The following ACOXL variants were observed in gnomAD, a reference collection of about 807,000 sequenced individuals.
ACOXL encodes acyl-CoA oxidase like.
Under a neutral mutation model 71.9 loss-of-function variants are expected in ACOXL, and 70 were observed. That is an observed-to-expected ratio of 0.97 (90% CI 0.80 to 1.19). The LOEUF (loss-of-function observed/expected upper bound fraction) is 1.19, where lower values mean the gene tolerates loss of function less well. Ranked by LOEUF, ACOXL falls within the 50% of genes most tolerant of loss-of-function variation. The probability of loss-of-function intolerance (pLI) is 0.00; values close to 1 mark genes in which losing one functional copy is unlikely to be tolerated. For missense variants in ACOXL, 703 were observed against 736.3 expected, an observed-to-expected ratio of 0.95 and a Z score of 0.52; for synonymous variants, 253 against 281.6, an observed-to-expected ratio of 0.90 and a Z score of 1.02.
chr2:110,756,419 G>A (rs1467670446), intron 1 of ACOXL, among the ~76,000 whole-genome samples: 13 of 152,134 alleles, frequency 8.5e-5, no homozygotes, highest in African/African-American at 2.7e-4. Context: ...ATGAGCCACC[G>A]CACCGTGTCA....
At chr2:111,070,217 G>T (rs569261614) in intron 16 of ACOXL, among the ~76,000 whole-genome samples, 3 of 152,164 alleles carry the variant, frequency 2.0e-5, no homozygotes, top group East Asian at 3.9e-4. Context: ...TTATTGCAGC[G>T]CTATTCACAA....
At chr2:111,092,312 T>G (rs1323128607) in intron 16 of ACOXL, among the ~76,000 whole-genome samples, 1 of 152,342 alleles carries the variant, frequency 6.6e-6, no homozygotes, top group South Asian at 2.1e-4. Context: ...GAAACTCATT[T>G]ATTGTTGCTT....
intron 16 of ACOXL, among the ~76,000 whole-genome samples, chr2:111,055,989 A>G (rs1023553942): frequency 6.6e-6 from 1 of 152,184 alleles, no homozygotes; most frequent in Non-Finnish European, 1.5e-5. Flanking sequence ...TTGTTCAACA[A>G]ATGTTTACTG....
intron 10 of ACOXL, among the ~76,000 whole-genome samples, chr2:110,848,950 G>A (rs1213863310): frequency 1.3e-5 from 2 of 152,184 alleles, no homozygotes; most frequent in African/African-American, 2.4e-5. Context: ...GTCTCCTCAC[G>A]CTGAGCTTCC....
intron 10 of ACOXL, among the ~76,000 whole-genome samples, chr2:110,905,050 G>A (rs1449088058): frequency 2.0e-5 from 3 of 152,018 alleles, no homozygotes; most frequent in African/African-American, 7.2e-5. Context: ...AGATGTCCAA[G>A]CATCAGAGGC....
chr2:110,993,941 A>G (rs1202133161), intron 13 of ACOXL, among the ~76,000 whole-genome samples: 1 of 152,222 alleles, frequency 6.6e-6, no homozygotes, highest in Non-Finnish European at 1.5e-5. Flanking sequence ...ATCTTCTTGT[A>G]AAATACACAG....
chr2:110,929,789 C>T (rs1042764943), intron 11 of ACOXL, among the ~76,000 whole-genome samples: 1 of 152,182 alleles, frequency 6.6e-6, no homozygotes, highest in Non-Finnish European at 1.5e-5. Context: ...CATGGTATAG[C>T]TGGAGGCATG....
chr2:110,793,581 G>T, intron 3 of ACOXL, 69 bp from the exon 4 acceptor site: 1 of 1,430,030 alleles, frequency 7.0e-7, no homozygotes, highest in Non-Finnish European at 9.9e-7. Context: ...TTGGAGTTTG[G>T]CCGTGGATTT....
At chr2:110,963,757 G>C (rs755601605) in intron 12 of ACOXL, 129 of 1,608,004 alleles carry the variant, frequency 8.0e-5, no homozygotes, top group Admixed American at 1.5e-4. Flanking sequence ...TTATCCAGAA[G>C]TCTGAAGTGT....
intron 1 of ACOXL, among the ~76,000 whole-genome samples, chr2:110,761,220 A>G (rs1406445717): frequency 1.3e-5 from 2 of 152,140 alleles, no homozygotes; most frequent in Non-Finnish European, 2.9e-5. Context: ...ACTTTTTTAA[A>G]AACAATTTAT....
chr2:110,803,179 C>T (rs1396771469), intron 8 of ACOXL, among the ~76,000 whole-genome samples: 21 of 152,104 alleles, frequency 1.4e-4, no homozygotes, highest in Admixed American at 1.4e-3. Context: ...CTCAGGACCA[C>T]CAGCATTCAT....
intron 17 of ACOXL, among the ~76,000 whole-genome samples, chr2:111,113,490 G>A (rs143692023): frequency 6.6e-6 from 1 of 152,336 alleles, no homozygotes; most frequent in Non-Finnish European, 1.5e-5. Flanking sequence ...AGCAGACTAA[G>A]TCAAAGACAG....
intron 10 of ACOXL, among the ~76,000 whole-genome samples, chr2:110,892,296 C>A (rs370868516): frequency 6.6e-6 from 1 of 152,038 alleles, no homozygotes; most frequent in East Asian, 1.9e-4. Flanking sequence ...AAAGGAAGAA[C>A]GCCCTGAAAT....
At chr2:111,070,843 G>A (rs2149927005) in intron 16 of ACOXL, among the ~76,000 whole-genome samples, 1 of 152,166 alleles carries the variant, frequency 6.6e-6, no homozygotes, top group Non-Finnish European at 1.5e-5. Context: ...GACTGTCTGT[G>A]GCCTGTTCCT....
At chr2:110,853,248 G>T (rs1692833551) in intron 10 of ACOXL, among the ~76,000 whole-genome samples, 1 of 152,180 alleles carries the variant, frequency 6.6e-6, no homozygotes, top group Admixed American at 6.5e-5. Flanking sequence ...GGCAGCTACG[G>T]TGGAGAGGCC....
At chr2:111,068,521 G>T (rs1053612155) in intron 16 of ACOXL, among the ~76,000 whole-genome samples, 1 of 152,196 alleles carries the variant, frequency 6.6e-6, no homozygotes, top group African/African-American at 2.4e-5. Flanking sequence ...AGCCTGAAGT[G>T]GCTGGTTTTT....
At chr2:110,971,114 C>G (rs2062165427) in intron 12 of ACOXL, among the ~76,000 whole-genome samples, 1 of 152,112 alleles carries the variant, frequency 6.6e-6, no homozygotes, top group Non-Finnish European at 1.5e-5. Context: ...CCTCTCAAAA[C>G]TCAACAGTGA....
intron 1 of ACOXL, among the ~76,000 whole-genome samples, chr2:110,740,505 C>T (rs1677390653): frequency 6.6e-6 from 1 of 152,190 alleles, no homozygotes; most frequent in South Asian, 2.1e-4. Flanking sequence ...TCTCTTCTCC[C>T]CATTAACATA....
chr2:110,798,826 G>A (rs1685595556), intron 6 of ACOXL, 102 bp downstream of exon 6: 7 of 1,242,636 alleles, frequency 5.6e-6, no homozygotes, highest in African/African-American at 1.5e-5. Context: ...AAATAATTCA[G>A]TACTAACTTT....
Sources: allele counts gnomAD v4.1 joint callset (sites outside exome capture counted in the v4.1 genomes callset), GRCh38; gene constraint gnomAD v4.1.1; transcripts MANE v1.5; gene names NCBI Gene and HGNC (gene_info 2026-07-23, HGNC 2026-07-21).